HS2ST1: variants seen among roughly 807,000 people sequenced by gnomAD.
HS2ST1 encodes the protein 2-O-sulfotransferase.
A neutral mutation model predicts 42.9 loss-of-function variants in HS2ST1; 18 were observed. That is an observed-to-expected ratio of 0.42 (90% CI 0.29 to 0.62). HS2ST1 has a LOEUF of 0.62. Ranked by LOEUF, HS2ST1 falls within the 20% of genes least tolerant of loss-of-function variation. The pLI, the probability that HS2ST1 is intolerant of heterozygous loss-of-function variation, is 0.21. For synonymous variants in HS2ST1, 146 were observed against 152.9 expected, an observed-to-expected ratio of 0.95 and a Z score of 0.33; for missense variants, 334 against 433.8, an observed-to-expected ratio of 0.77 and a Z score of 2.04.
At chr1:87,006,452 A>C (rs189095520) in intron 1 of HS2ST1, among the ~76,000 whole-genome samples, 8 of 152,156 alleles carry the variant, frequency 5.3e-5, no homozygotes, top group African/African-American at 1.2e-4. Context: ...CTTGGTTTGC[A>C]TATATAGGCA....
chr1:86,991,051 C>A (rs1648937948), intron 1 of HS2ST1, among the ~76,000 whole-genome samples: 1 of 150,866 alleles, frequency 6.6e-6, no homozygotes, highest in South Asian at 2.1e-4. Flanking sequence ...TAGCTCAAAA[C>A]CGCAAAATCT....
intron 1 of HS2ST1, among the ~76,000 whole-genome samples, chr1:87,038,278 T>G (rs1650433404): frequency 1.3e-5 from 2 of 152,086 alleles, no homozygotes; most frequent in South Asian, 4.1e-4. Flanking sequence ...GGGCAAAGTC[T>G]ATCACTACCA....
intron 1 of HS2ST1, among the ~76,000 whole-genome samples, chr1:87,004,274 C>T (rs914867063): frequency 1.3e-5 from 2 of 151,938 alleles, no homozygotes; most frequent in African/African-American, 2.4e-5. Flanking sequence ...ACCTGTAATC[C>T]CAGCTACTTG....
At chr1:87,026,668 C>T (rs967496136) in intron 1 of HS2ST1, among the ~76,000 whole-genome samples, 1 of 152,016 alleles carries the variant, frequency 6.6e-6, no homozygotes, top group Non-Finnish European at 1.5e-5. Context: ...GCCCTAAGTT[C>T]ATTGGCATTT....
At chr1:87,069,109 G>A (rs1296622652) in intron 1 of HS2ST1, among the ~76,000 whole-genome samples, 1 of 152,206 alleles carries the variant, frequency 6.6e-6, no homozygotes, top group Non-Finnish European at 1.5e-5. Context: ...GGTGGGCCTA[G>A]TCTTGCTGTC....
chr1:86,954,045 A>ATTT (rs1557492049), intron 1 of HS2ST1, among the ~76,000 whole-genome samples: 60 of 122,976 alleles, frequency 4.9e-4, no homozygotes, highest in African/African-American at 1.8e-3. Context: ...TTTTTTAAAA[A>ATTT]AAAAAAAAAA....
At chr1:86,990,695 G>A (rs1348973042) in intron 1 of HS2ST1, among the ~76,000 whole-genome samples, 1 of 148,594 alleles carries the variant, frequency 6.7e-6, no homozygotes, top group African/African-American at 2.5e-5. Flanking sequence ...CAAGGCTAGA[G>A]TGCAATGGCA....
chr1:87,016,475 C>G (rs1649763355), intron 1 of HS2ST1, among the ~76,000 whole-genome samples: 1 of 152,120 alleles, frequency 6.6e-6, no homozygotes, highest in African/African-American at 2.4e-5. Context: ...CCATTCCTTT[C>G]TCTCTCTCTC....
intron 1 of HS2ST1, among the ~76,000 whole-genome samples, chr1:87,023,665 C>T (rs572370771): frequency 6.6e-6 from 1 of 152,076 alleles, no homozygotes; most frequent in South Asian, 2.1e-4. Context: ...TAGCATAGTG[C>T]CTAGCTCATA....
intron 1 of HS2ST1, chr1:87,044,841 T>C: frequency 3.9e-6 from 3 of 774,404 alleles, no homozygotes; most frequent in Non-Finnish European, 6.0e-6. Flanking sequence ...GTCCATTTTT[T>C]CCCCTTTGGA....
chr1:86,922,257 T>C (rs1660315624), intron 1 of HS2ST1, among the ~76,000 whole-genome samples: 2 of 151,978 alleles, frequency 1.3e-5, no homozygotes, highest in African/African-American at 2.4e-5. Flanking sequence ...ATTACCACTT[T>C]TTTCTGGGTT....
At chr1:87,017,674 T>G (rs952450284) in intron 1 of HS2ST1, among the ~76,000 whole-genome samples, 2 of 152,152 alleles carry the variant, frequency 1.3e-5, no homozygotes, top group South Asian at 4.1e-4. Context: ...ATTTGATGCT[T>G]TTTTATTTTT....
chr1:86,988,438 A>G (rs527850837), intron 1 of HS2ST1, among the ~76,000 whole-genome samples: 22 of 152,290 alleles, frequency 1.4e-4, no homozygotes, highest in African/African-American at 5.1e-4. Context: ...GCCTCCTTAC[A>G]TGCTGTTAGT....
At chr1:87,028,282 C>T (rs1349557708) in intron 1 of HS2ST1, among the ~76,000 whole-genome samples, 3 of 152,226 alleles carry the variant, frequency 2.0e-5, no homozygotes, top group African/African-American at 7.2e-5. Context: ...CAAATCCTCA[C>T]AAAGGTGACT....
chr1:87,098,122 A>G, intron 5 of HS2ST1, 187 bp downstream of exon 5: 8 of 1,289,038 alleles, frequency 6.2e-6, no homozygotes, highest in Non-Finnish European at 7.9e-6. Context: ...ATGTAGAGTG[A>G]TATCCTAATA....
chr1:86,987,613 A>T (rs375158509), intron 1 of HS2ST1, among the ~76,000 whole-genome samples: 4 of 152,156 alleles, frequency 2.6e-5, no homozygotes, highest in African/African-American at 7.2e-5. Flanking sequence ...GCTGCAGATT[A>T]TCTTGCCTCT....
chr1:87,048,429 G>T (rs1650744832), intron 1 of HS2ST1, among the ~76,000 whole-genome samples: 1 of 152,162 alleles, frequency 6.6e-6, no homozygotes, highest in South Asian at 2.1e-4. Flanking sequence ...AGACAGTGTT[G>T]TGTAAAACTG....
chr1:87,007,479 C>G (rs901791499), intron 1 of HS2ST1, among the ~76,000 whole-genome samples: 1 of 152,098 alleles, frequency 6.6e-6, no homozygotes, highest in African/African-American at 2.4e-5. Context: ...GACATACACT[C>G]AAGCACTGTG....
intron 3 of HS2ST1, among the ~76,000 whole-genome samples, chr1:87,090,569 G>A (rs1334260200): frequency 6.6e-6 from 1 of 151,986 alleles, no homozygotes; most frequent in Non-Finnish European, 1.5e-5. Flanking sequence ...AGAGTCATCA[G>A]GAAGAGAGGT....
Sources: gnomAD v4.1 joint callset for allele counts (sites outside exome capture counted in the v4.1 genomes callset) on GRCh38, gnomAD v4.1.1 for gene constraint, MANE v1.5 for transcripts, NCBI Gene and HGNC (gene_info 2026-07-23, HGNC 2026-07-21) for gene names.